GPHN: variants seen among roughly 807,000 people sequenced by gnomAD.
The protein encoded by GPHN is gephyrin.
Under a neutral mutation model 95.5 loss-of-function variants are expected in GPHN, and 17 were observed. The observed-to-expected ratio is 0.18, with a 90% CI of 0.12 to 0.27. The LOEUF (loss-of-function observed/expected upper bound fraction) is 0.27, where lower values mean the gene tolerates loss of function less well. GPHN is among the 10% of genes least tolerant of loss of function. The pLI, the probability that GPHN is intolerant of heterozygous loss-of-function variation, is 1.00. For missense variants in GPHN, 660 were observed against 978.1 expected, an observed-to-expected ratio of 0.67 and a Z score of 4.34; for synonymous variants, 320 against 322.5, an observed-to-expected ratio of 0.99 and a Z score of 0.08.
At chr14:66,708,125 A>G (rs1455853711) in intron 2 of GPHN, among the ~76,000 whole-genome samples, 1 of 152,126 alleles carries the variant, frequency 6.6e-6, no homozygotes, top group Non-Finnish European at 1.5e-5. Context: ...GCTCAGTATC[A>G]TTGCAGGGTA....
intron 10 of GPHN, among the ~76,000 whole-genome samples, chr14:67,055,861 C>T (rs1594959868): frequency 6.6e-6 from 1 of 152,288 alleles, no homozygotes; most frequent in African/African-American, 2.4e-5. Context: ...TTCGTGATCT[C>T]ACTGACTTCA....
chr14:67,121,320 G>A (rs759104418), intron 16 of GPHN, among the ~76,000 whole-genome samples: 1 of 152,074 alleles, frequency 6.6e-6, no homozygotes, highest in Non-Finnish European at 1.5e-5. Flanking sequence ...ATCTGTACTA[G>A]CATCTAGGGG....
chr14:67,585,656 T>C, the GPHN span: 2 of 1,548,850 alleles, frequency 1.3e-6, no homozygotes, highest in Non-Finnish European at 1.8e-6. Context: ...AACACTATGG[T>C]ATGAAAGGAT....
chr14:67,575,350 G>A, the GPHN span: 15 of 1,198,928 alleles, frequency 1.3e-5, no homozygotes, highest in Middle Eastern at 1.9e-4. Context: ...TACTTCTAGA[G>A]TTACCTAGTT....
chr14:66,962,643 T>C (rs1303569338), intron 8 of GPHN, among the ~76,000 whole-genome samples: 1 of 151,928 alleles, frequency 6.6e-6, no homozygotes, highest in East Asian at 1.9e-4. Context: ...ACTCAATTCC[T>C]CCATTTGTAT....
At chr14:66,821,461 A>G (rs1374419149) in intron 3 of GPHN, among the ~76,000 whole-genome samples, 1 of 152,220 alleles carries the variant, frequency 6.6e-6, no homozygotes, top group East Asian at 1.9e-4. Flanking sequence ...ACAAGATTCT[A>G]GACAACTATA....
intron 19 of GPHN, among the ~76,000 whole-genome samples, chr14:67,164,435 G>A (rs1256540877): frequency 2.0e-5 from 3 of 152,090 alleles, no homozygotes; most frequent in Admixed American, 1.3e-4. Flanking sequence ...AAAGAAAAAG[G>A]TTAAAAAATA....
intron 5 of GPHN, among the ~76,000 whole-genome samples, chr14:66,886,215 G>A (rs994281275): frequency 6.6e-6 from 1 of 152,112 alleles, no homozygotes; most frequent in African/African-American, 2.4e-5. Flanking sequence ...GCCATGATGG[G>A]ACTGTCCATA....
At chr14:67,674,300 G>C in the GPHN span, 4 of 1,360,336 alleles carry the variant, frequency 2.9e-6, no homozygotes, top group African/African-American at 1.5e-5. Flanking sequence ...CCGGGTCTGG[G>C]AGGAAGGTGG....
At chr14:66,662,009 G>A (rs2065687491) in intron 1 of GPHN, among the ~76,000 whole-genome samples, 1 of 152,210 alleles carries the variant, frequency 6.6e-6, no homozygotes, top group African/African-American at 2.4e-5. Flanking sequence ...TGGCTAAGAG[G>A]TTTGAAAACT....
intron 2 of GPHN, among the ~76,000 whole-genome samples, chr14:66,757,540 C>A (rs1017836057): frequency 2.7e-4 from 41 of 152,166 alleles, no homozygotes; most frequent in Admixed American, 2.4e-3. Context: ...CAAGCGCGTA[C>A]CACCCTGTCC....
At chr14:67,338,888 A>G in the GPHN span, 1 of 732,422 alleles carries the variant, frequency 1.4e-6, no homozygotes, top group South Asian at 3.1e-5. Context: ...ACTTTTATTA[A>G]TTTCATTTTC....
the GPHN span, among the ~76,000 whole-genome samples, chr14:67,428,371 A>C: frequency 7.9e-5 from 12 of 152,300 alleles, no homozygotes; most frequent in South Asian, 2.1e-3. Flanking sequence ...CCTGCTCCCC[A>C]AGATTGGAAT....
chr14:67,475,340 G>T, the GPHN span, among the ~76,000 whole-genome samples: 2 of 152,178 alleles, frequency 1.3e-5, no homozygotes, highest in Admixed American at 6.5e-5. Flanking sequence ...AAATAAGGCT[G>T]CTATGAACAC....
intron 9 of GPHN, among the ~76,000 whole-genome samples, chr14:67,017,757 A>T (rs1053176647): frequency 6.6e-6 from 1 of 152,118 alleles, no homozygotes; most frequent in Non-Finnish European, 1.5e-5. Context: ...TAAATTCTTG[A>T]GATCATTCTG....
At chr14:66,689,946 G>C (rs950909033) in intron 2 of GPHN, among the ~76,000 whole-genome samples, 1 of 151,102 alleles carries the variant, frequency 6.6e-6, no homozygotes, top group Non-Finnish European at 1.5e-5. Flanking sequence ...TTCTCTTTTT[G>C]TCTTCGTTGG....
the GPHN span, among the ~76,000 whole-genome samples, chr14:67,500,176 A>T: frequency 6.6e-6 from 1 of 152,092 alleles, no homozygotes; most frequent in Admixed American, 6.6e-5. Flanking sequence ...AAAATAAATA[A>T]ATAAATAGAA....
At chr14:67,043,982 T>C (rs946791861) in intron 10 of GPHN, among the ~76,000 whole-genome samples, 83 of 152,192 alleles carry the variant, frequency 5.5e-4, no homozygotes, top group African/African-American at 2.0e-3. Flanking sequence ...AATTTATCCA[T>C]TTCTTCTAGA....
At chr14:66,565,520 G>A (rs901664897) in intron 1 of GPHN, among the ~76,000 whole-genome samples, 4 of 152,068 alleles carry the variant, frequency 2.6e-5, no homozygotes, top group Admixed American at 6.6e-5. Context: ...AGCTGGTCTT[G>A]AACTCTTGGG....
Sources: allele counts gnomAD v4.1 joint callset (sites outside exome capture counted in the v4.1 genomes callset), GRCh38; gene constraint gnomAD v4.1.1; transcripts MANE v1.5; gene names NCBI Gene and HGNC (gene_info 2026-07-23, HGNC 2026-07-21).